MAP3K7CL: variants seen among roughly 807,000 people sequenced by gnomAD.
MAP3K7CL encodes the protein MAP3K7 C-terminal-like protein.
Under a neutral mutation model 18.6 loss-of-function variants are expected in MAP3K7CL, and 16 were observed. The observed-to-expected ratio is 0.86, with a 90% CI of 0.58 to 1.31. The LOEUF (loss-of-function observed/expected upper bound fraction) is 1.31, where lower values mean the gene tolerates loss of function less well. Among genes scored for constraint, MAP3K7CL ranks in the 50% most tolerant of loss-of-function variants. MAP3K7CL has a pLI of 0.00. For missense variants in MAP3K7CL, 163 were observed against 174.4 expected (o/e 0.93, Z 0.37); for synonymous variants, 65 against 66.8 (o/e 0.97, Z 0.13).
chr21:29,155,948 T>A (rs1244148130), intron 3 of MAP3K7CL, among the ~76,000 whole-genome samples: 1 of 152,214 alleles, frequency 6.6e-6, no homozygotes, highest in African/African-American at 2.4e-5. Flanking sequence ...AGGGAGTGCA[T>A]CTGAAAAGCT....
chr21:29,161,127 T>C (rs1410361369), intron 4 of MAP3K7CL, among the ~76,000 whole-genome samples: 1 of 152,164 alleles, frequency 6.6e-6, no homozygotes, highest in Non-Finnish European at 1.5e-5. Flanking sequence ...CTGGCCAACA[T>C]GGTGAAACCC....
At chr21:29,093,596 C>T (rs1464163888) in intron 4 of MAP3K7CL, among the ~76,000 whole-genome samples, 1 of 152,062 alleles carries the variant, frequency 6.6e-6, no homozygotes, top group Non-Finnish European at 1.5e-5. Flanking sequence ...ATTCCCCTGC[C>T]TCAGCCTCCC....
chr21:29,089,476 A>G (rs2085985169), intron 1 of MAP3K7CL, among the ~76,000 whole-genome samples: 1 of 152,216 alleles, frequency 6.6e-6, no homozygotes. Flanking sequence ...AAAATGAGAA[A>G]AAGATTTCTC....
At chr21:29,103,778 G>T (rs533597068) in intron 4 of MAP3K7CL, among the ~76,000 whole-genome samples, 1 of 151,540 alleles carries the variant, frequency 6.6e-6, no homozygotes, top group African/African-American at 2.4e-5. Context: ...TGCACCTGTA[G>T]TCCCAGCTAC....
intron 4 of MAP3K7CL, among the ~76,000 whole-genome samples, chr21:29,119,917 G>T (rs146434937): frequency 2.8e-4 from 42 of 152,102 alleles, no homozygotes; most frequent in African/African-American, 8.9e-4. Flanking sequence ...CATCCACCTC[G>T]GCCTCCCAGA....
chr21:29,146,298 C>G (rs2087126944), intron 2 of MAP3K7CL, among the ~76,000 whole-genome samples: 1 of 152,190 alleles, frequency 6.6e-6, no homozygotes, highest in East Asian at 1.9e-4. Context: ...CCAAATCATT[C>G]TGGCCTTGGA....
At chr21:29,119,084 TG>T (rs2086550673) in intron 4 of MAP3K7CL, among the ~76,000 whole-genome samples, 1 of 152,218 alleles carries the variant, frequency 6.6e-6, no homozygotes, top group Non-Finnish European at 1.5e-5. Flanking sequence ...GATGAGGATT[TG>T]GCTCTCTCCC....
At position 29,175,084 on chromosome 21, in the gene MAP3K7CL, C is replaced by T. The variant is rs1177713723; in HGVS notation, c.*192C>T. 13 of 477,594 alleles carry T rather than the reference C, an allele frequency of 2.7e-5. No individual in the cohort carries two copies. Among genetic ancestry groups the T allele is most frequent in the African/African-American group, 4.0e-5 (2 of 50,618 alleles). 29.6% of individuals were successfully genotyped at this position (477,594 alleles called of 1,614,324 possible). ...GGGATATTTTAAATGAGATCATTAA[C>T]GTGAAACTATTACTAGTATATGTTT... On this transcript the variant is annotated 3_prime_UTR_variant, in exon 5 of 5. Transcript: ENST00000399928.
At chr21:29,147,415 A>G (rs986143489) in intron 2 of MAP3K7CL, among the ~76,000 whole-genome samples, 2 of 151,842 alleles carry the variant, frequency 1.3e-5, no homozygotes, top group Non-Finnish European at 2.9e-5. Context: ...TGTGTACAGT[A>G]TATGTATATG....
intron 2 of MAP3K7CL, among the ~76,000 whole-genome samples, chr21:29,147,397 CAT>C (rs753412081): frequency 6.6e-6 from 1 of 151,490 alleles, no homozygotes; most frequent in Non-Finnish European, 1.5e-5. Flanking sequence ...TACTGTACTG[CAT>C]ATATATGTGT....
At chr21:29,117,201 T>C (rs1016458233) in intron 4 of MAP3K7CL, among the ~76,000 whole-genome samples, 1 of 152,168 alleles carries the variant, frequency 6.6e-6, no homozygotes, top group Admixed American at 6.6e-5. Flanking sequence ...TCTCCTGTCC[T>C]TCACTAGAAT....
At chr21:29,117,557 C>T (rs2086523338) in intron 4 of MAP3K7CL, among the ~76,000 whole-genome samples, 1 of 152,208 alleles carries the variant, frequency 6.6e-6, no homozygotes, top group Non-Finnish European at 1.5e-5. Flanking sequence ...TGACAGGTGC[C>T]TTATTAGGCC....
chr21:29,158,064 G>A (rs992965408), intron 3 of MAP3K7CL, among the ~76,000 whole-genome samples: 3 of 148,810 alleles, frequency 2.0e-5, no homozygotes, highest in Non-Finnish European at 4.5e-5. Flanking sequence ...GACAGGATCT[G>A]ATGTGTAGAG....
chr21:29,083,503 C>T (rs1288808774), upstream of MAP3K7CL, among the ~76,000 whole-genome samples: 2 of 152,146 alleles, frequency 1.3e-5, no homozygotes, highest in African/African-American at 4.8e-5. Context: ...TCAATCATTT[C>T]ATTGCATGGT....
At chr21:29,169,658 C>G (rs1441054855) in intron 4 of MAP3K7CL, among the ~76,000 whole-genome samples, 2 of 152,154 alleles carry the variant, frequency 1.3e-5, no homozygotes, top group Non-Finnish European at 2.9e-5. Flanking sequence ...GCCAAGATCC[C>G]TTGTAGTGGT....
At chr21:29,155,506 G>A (rs1267313148) in intron 3 of MAP3K7CL, among the ~76,000 whole-genome samples, 1 of 152,172 alleles carries the variant, frequency 6.6e-6, no homozygotes, top group African/African-American at 2.4e-5. Flanking sequence ...CCAGGGAGTG[G>A]AATCCACTTC....
rs370796935 is a variant in MAP3K7CL, at chr21:29,136,066, A to C, written c.70+2652A>C. 3.7e-4 allele frequency among the ~76,000 whole-genome samples: 56 copies of C among 152,310 alleles called. No homozygotes were observed. In the South Asian group the frequency reaches 0.011, roughly 30 times the overall value. ...GCCCCACTCCTATATATTCTGATTC[A>C]GGAGACCCATTATTGTTGTAAGAAG... On this transcript the variant is annotated intron_variant, in intron 2 of 4. Transcript: ENST00000399928.
intron 4 of MAP3K7CL, among the ~76,000 whole-genome samples, chr21:29,099,585 C>A (rs1031326806): frequency 6.6e-6 from 1 of 152,176 alleles, no homozygotes; most frequent in Non-Finnish European, 1.5e-5. Context: ...CATGTTCCAT[C>A]TGCCTAGCCT....
intron 4 of MAP3K7CL, among the ~76,000 whole-genome samples, chr21:29,106,110 A>G (rs988436606): frequency 2.0e-5 from 3 of 152,114 alleles, no homozygotes; most frequent in African/African-American, 7.2e-5. Context: ...TTCCACACAA[A>G]TCAGGAAAAG....
Sources: gnomAD v4.1 joint callset for allele counts (sites outside exome capture counted in the v4.1 genomes callset) on GRCh38, gnomAD v4.1.1 for gene constraint, MANE v1.5 for transcripts, NCBI Gene and HGNC (gene_info 2026-07-23, HGNC 2026-07-21) for gene names.